Variants in RBPMS observed in about 807,000 individuals in gnomAD.
RBPMS encodes RNA-binding protein with multiple splicing.
A neutral mutation model predicts 26.8 loss-of-function variants in RBPMS; 7 were observed. The ratio of observed to expected loss-of-function variants is 0.26; its 90% CI spans 0.15 to 0.49. The LOEUF (loss-of-function observed/expected upper bound fraction) is 0.49. RBPMS is among the 20% of genes least tolerant of loss of function. The pLI, the probability that RBPMS is intolerant of heterozygous loss-of-function variation, is 0.98. For synonymous variants in RBPMS, 96 were observed against 93.3 expected (o/e 1.03, Z -0.17); for missense variants, 186 against 250.0 (o/e 0.74, Z 1.73).
chr8:30,441,056 A>C (rs1472710504), intron 1 of RBPMS, among the ~76,000 whole-genome samples: 1 of 151,604 alleles, frequency 6.6e-6, no homozygotes, highest in Non-Finnish European at 1.5e-5. Flanking sequence ...CTGGTCAAGC[A>C]ATCTTCCCGC....
chr8:30,542,379 T>C (rs1366768279), intron 5 of RBPMS, among the ~76,000 whole-genome samples: 1 of 152,214 alleles, frequency 6.6e-6, no homozygotes, highest in Admixed American at 6.5e-5. Flanking sequence ...CTTATCTCTT[T>C]AGGATCAGAT....
intron 1 of RBPMS, among the ~76,000 whole-genome samples, chr8:30,443,333 C>T (rs1164641814): frequency 6.6e-6 from 1 of 152,068 alleles, no homozygotes; most frequent in Non-Finnish European, 1.5e-5. Context: ...AATTAAAAAC[C>T]TTTAATATGC....
At chr8:30,479,512 A>C in intron 4 of RBPMS, 135 bp downstream of exon 4, 1 of 719,716 alleles carries the variant, frequency 1.4e-6, no homozygotes, top group South Asian at 1.6e-5. Flanking sequence ...CAATTTAATT[A>C]GCACTCTAAA....
chr8:30,448,933 T>C (rs1731817741), intron 1 of RBPMS, among the ~76,000 whole-genome samples: 1 of 152,246 alleles, frequency 6.6e-6, no homozygotes, highest in African/African-American at 2.4e-5. Context: ...GGAACTTTGC[T>C]GTCTTTCGTT....
chr8:30,477,738 A>G (rs1817852050), intron 2 of RBPMS, 61 bp from the exon 3 acceptor site: 2 of 1,160,326 alleles, frequency 1.7e-6, no homozygotes, highest in South Asian at 2.6e-5. Flanking sequence ...TTATTTTTAC[A>G]TGAACAAGAT....
At chr8:30,454,608 G>A (rs950889629) in intron 1 of RBPMS, among the ~76,000 whole-genome samples, 2 of 152,186 alleles carry the variant, frequency 1.3e-5, no homozygotes, top group African/African-American at 2.4e-5. Context: ...GAACGTAGCA[G>A]AAGGATTTGT....
At chr8:30,490,948 G>T (rs1455074351) in intron 4 of RBPMS, among the ~76,000 whole-genome samples, 1 of 152,172 alleles carries the variant, frequency 6.6e-6, no homozygotes, top group African/African-American at 2.4e-5. Context: ...GGACTTGACT[G>T]TTTACATTCT....
intron 6 of RBPMS, chr8:30,556,586 G>A (rs1197134789): frequency 6.1e-6 from 6 of 986,232 alleles, no homozygotes; most frequent in East Asian, 1.1e-4. Flanking sequence ...CACCCAGGCC[G>A]CACCAGTCAC....
intron 6 of RBPMS, chr8:30,556,643 C>G (rs781355532): frequency 1.0e-6 from 1 of 986,194 alleles, no homozygotes; most frequent in Non-Finnish European, 1.2e-6. Flanking sequence ...CCATCACCCT[C>G]TACTGTGTGT....
At chr8:30,521,704 C>G (rs1234642232) in intron 5 of RBPMS, among the ~76,000 whole-genome samples, 1 of 139,938 alleles carries the variant, frequency 7.1e-6, no homozygotes, top group Non-Finnish European at 1.6e-5. Flanking sequence ...CTCCTCTACC[C>G]CCCTTTTTTT....
intron 1 of RBPMS, among the ~76,000 whole-genome samples, chr8:30,393,379 A>G (rs1488194224): frequency 6.7e-6 from 1 of 148,610 alleles, no homozygotes; most frequent in Admixed American, 6.9e-5. Context: ...CTACCATAAA[A>G]TCTGGAGAGG....
chr8:30,421,003 T>C (rs974233968), intron 1 of RBPMS, among the ~76,000 whole-genome samples: 8 of 152,226 alleles, frequency 5.3e-5, no homozygotes, highest in African/African-American at 1.9e-4. Context: ...CTATTTGAAG[T>C]CATGAAAATG....
In RBPMS at chr8:30,548,305, CTTG is replaced by C. The variant is rs201744923; in HGVS notation, c.528+3686_528+3688del. ...TTTGAGCTCATGTTCTGCTTTCAGTCTTGTTGTGATGGGCAGAGAGAAAGTCGT... is the reference window on the plus strand; with the variant it reads ...TTTGAGCTCATGTTCTGCTTTCAGTCTTGTGATGGGCAGAGAGAAAGTCGT... On this transcript the variant is annotated intron_variant, in intron 6 of 8. Transcript: ENST00000397323. Among the ~76,000 whole-genome samples, 559 of 152,286 alleles carry C rather than the reference CTTG, an allele frequency of 3.7e-3. 14 individuals are homozygous for C. The East Asian group carries it at 0.05, about 14-fold the overall frequency.
At chr8:30,419,277 C>T (rs1810459371) in intron 1 of RBPMS, among the ~76,000 whole-genome samples, 1 of 152,148 alleles carries the variant, frequency 6.6e-6, no homozygotes, top group African/African-American at 2.4e-5. Flanking sequence ...GAAACCCCAT[C>T]TCTATTAAAA....
At chr8:30,385,726 G>C (rs1162119757) in intron 1 of RBPMS, among the ~76,000 whole-genome samples, 1 of 152,152 alleles carries the variant, frequency 6.6e-6, no homozygotes, top group Non-Finnish European at 1.5e-5. Flanking sequence ...GGCGGTGAAC[G>C]CTTGTGATTT....
At chr8:30,456,934 A>C (rs930434260) in intron 1 of RBPMS, among the ~76,000 whole-genome samples, 29 of 152,242 alleles carry the variant, frequency 1.9e-4, no homozygotes, top group African/African-American at 6.8e-4. Flanking sequence ...CACACAAAGA[A>C]ACAACAGAAC....
chr8:30,514,040 G>A (rs1822024166), intron 5 of RBPMS, among the ~76,000 whole-genome samples: 1 of 152,088 alleles, frequency 6.6e-6, no homozygotes, highest in South Asian at 2.1e-4. Flanking sequence ...ATAACTACTG[G>A]CACCTTAATA....
At chr8:30,555,761 T>G (rs952438571) in intron 6 of RBPMS, 2 of 460,544 alleles carry the variant, frequency 4.3e-6, no homozygotes, top group African/African-American at 4.3e-5. Context: ...GGTTTCCCCG[T>G]TAAGAAGAAT....
At chr8:30,549,944 G>A (rs370043218) in intron 6 of RBPMS, among the ~76,000 whole-genome samples, 26 of 150,318 alleles carry the variant, frequency 1.7e-4, no homozygotes, top group African/African-American at 5.2e-4. Flanking sequence ...TCCGCCTCCC[G>A]GGTTCATGCC....
Sources: allele counts gnomAD v4.1 joint callset (sites outside exome capture counted in the v4.1 genomes callset), GRCh38; gene constraint gnomAD v4.1.1; transcripts MANE v1.5; gene names NCBI Gene and HGNC (gene_info 2026-07-23, HGNC 2026-07-21).